Variants in GPC6 observed in about 807,000 individuals in gnomAD.
GPC6 encodes the protein glypican-6.
GPC6 carries 14 observed loss-of-function variants against 55.2 expected under a neutral mutation model. That is an observed-to-expected ratio of 0.25 (90% CI 0.17 to 0.40). The LOEUF is 0.40. GPC6 is among the 10% of genes least tolerant of loss of function. GPC6 has a pLI of 1.00. For missense variants in GPC6, 641 were observed against 708.5 expected (o/e 0.90, Z 1.08); for synonymous variants, 278 against 259.6 (o/e 1.07, Z -0.68).
At chr13:93,823,164 A>C (rs1887116540) in intron 2 of GPC6, among the ~76,000 whole-genome samples, 1 of 152,004 alleles carries the variant, frequency 6.6e-6, no homozygotes, top group African/African-American at 2.4e-5. Flanking sequence ...TGCCTGGCCG[A>C]AAATTACTTT....
intron 6 of GPC6, among the ~76,000 whole-genome samples, chr13:94,347,939 C>T (rs370962023): frequency 1.3e-5 from 2 of 152,320 alleles, no homozygotes; most frequent in East Asian, 1.9e-4. Context: ...GCAGATGTTA[C>T]GAAAAGCATG....
At chr13:94,069,686 C>T (rs1255522591) in intron 4 of GPC6, among the ~76,000 whole-genome samples, 1 of 152,156 alleles carries the variant, frequency 6.6e-6, no homozygotes, top group Non-Finnish European at 1.5e-5. Context: ...GTTCAAAGTT[C>T]CACAGATCTA....
chr13:93,724,205 G>A (rs1252416320), intron 2 of GPC6, among the ~76,000 whole-genome samples: 1 of 151,940 alleles, frequency 6.6e-6, no homozygotes, highest in Non-Finnish European at 1.5e-5. Context: ...GACAGCAGTT[G>A]CTTATAGTAG....
intron 3 of GPC6, among the ~76,000 whole-genome samples, chr13:93,895,098 A>T (rs910762530): frequency 2.0e-5 from 3 of 150,120 alleles, no homozygotes; most frequent in African/African-American, 4.9e-5. Context: ...ATATATGTCT[A>T]TATATATATT....
At chr13:94,362,667 C>T (rs1231082893) in intron 6 of GPC6, among the ~76,000 whole-genome samples, 2 of 152,098 alleles carry the variant, frequency 1.3e-5, no homozygotes, top group African/African-American at 4.8e-5. Context: ...CGTCAGCCTG[C>T]TTTAAGCAAG....
chr13:93,650,684 G>A (rs1369857943), intron 2 of GPC6, among the ~76,000 whole-genome samples: 1 of 152,168 alleles, frequency 6.6e-6, no homozygotes, highest in Non-Finnish European at 1.5e-5. Context: ...TAACTACTCA[G>A]ATAAAAGGCC....
intron 1 of GPC6, among the ~76,000 whole-genome samples, chr13:93,463,037 T>C (rs1046509338): frequency 6.6e-6 from 1 of 152,162 alleles, no homozygotes; most frequent in African/African-American, 2.4e-5. Context: ...TCTTTTTTGT[T>C]GGAAGTAGAA....
chr13:94,403,380 G>A lies in GPC6; in HGVS notation c.*163G>A. ...GCCTCCCTTTTTGTTTTCCCAAAGAGTACCGGGTGCCAGACTGAACTGCTT... is the reference window on the plus strand; with the variant it reads ...GCCTCCCTTTTTGTTTTCCCAAAGAATACCGGGTGCCAGACTGAACTGCTT... On this transcript the variant is annotated 3_prime_UTR_variant, in exon 9 of 9. Transcript: ENST00000377047. 1.5e-6 allele frequency: 1 copy of A among 687,600 alleles called. No individual in the cohort carries two copies. Among genetic ancestry groups the A allele is most frequent in the Non-Finnish European group, 2.6e-6 (1 of 379,432 alleles). The allele number at this position is 687,600 out of a possible 1,614,324, so 42.6% of individuals were successfully genotyped here.
intron 1 of GPC6, among the ~76,000 whole-genome samples, chr13:93,253,967 G>C (rs1164885082): frequency 6.6e-6 from 1 of 152,122 alleles, no homozygotes; most frequent in Non-Finnish European, 1.5e-5. Flanking sequence ...GGTTTAAATG[G>C]TGATCATTCT....
intron 2 of GPC6, among the ~76,000 whole-genome samples, chr13:93,611,964 A>G (rs1878481836): frequency 6.6e-6 from 1 of 152,156 alleles, no homozygotes. Flanking sequence ...ATTGTCTTTA[A>G]AGGTGACACA....
At chr13:94,261,470 T>G (rs1475956017) in intron 4 of GPC6, among the ~76,000 whole-genome samples, 1 of 152,192 alleles carries the variant, frequency 6.6e-6, no homozygotes, top group Admixed American at 6.5e-5. Context: ...ACTAGTTGGT[T>G]ACCTATAAAT....
chr13:94,029,361 T>TA (rs1883026520), intron 4 of GPC6, among the ~76,000 whole-genome samples: 1 of 152,260 alleles, frequency 6.6e-6, no homozygotes, highest in African/African-American at 2.4e-5. Flanking sequence ...AGTTAATCAT[T>TA]AAGTTATCCT....
At chr13:93,456,601 G>C (rs1878461857) in intron 1 of GPC6, among the ~76,000 whole-genome samples, 1 of 152,024 alleles carries the variant, frequency 6.6e-6, no homozygotes, top group African/African-American at 2.4e-5. Flanking sequence ...TGACTTAGCA[G>C]AAATTATAGT....
intron 2 of GPC6, among the ~76,000 whole-genome samples, chr13:93,653,509 T>C (rs1481749987): frequency 2.6e-5 from 4 of 152,078 alleles, no homozygotes; most frequent in Admixed American, 6.6e-5. Flanking sequence ...AAGCATTGTG[T>C]CAAACACTTT....
chr13:94,252,344 C>T lies in GPC6; in HGVS notation c.878-34005C>T, dbSNP rs1278118233. On this transcript the variant is annotated intron_variant, in intron 4 of 8. Transcript: ENST00000377047. Reference sequence around the variant, plus strand: ...GATATTGAGTAATAAGATTGTTCGACGACCAGGTCATGCATAAAAGCCCAA... The same window carrying T: ...GATATTGAGTAATAAGATTGTTCGATGACCAGGTCATGCATAAAAGCCCAA... Among the ~76,000 whole-genome samples, 5 of 152,120 alleles carry T rather than the reference C, an allele frequency of 3.3e-5. No homozygotes were observed. The South Asian group carries it at 6.2e-4, about 19-fold the overall frequency.
chr13:94,029,922 A>G (rs1883048186), intron 4 of GPC6, among the ~76,000 whole-genome samples: 1 of 151,924 alleles, frequency 6.6e-6, no homozygotes, highest in Non-Finnish European at 1.5e-5. Context: ...TGAACCAACT[A>G]TGTGTTGCTG....
intron 1 of GPC6, among the ~76,000 whole-genome samples, chr13:93,367,444 A>G (rs1881291568): frequency 6.6e-6 from 1 of 151,484 alleles, no homozygotes; most frequent in Non-Finnish European, 1.5e-5. Context: ...ACTGTTTTCT[A>G]TTTCGTTGGT....
chr13:93,315,117 A>T (rs1879204653), intron 1 of GPC6, among the ~76,000 whole-genome samples: 1 of 151,726 alleles, frequency 6.6e-6, no homozygotes, highest in Admixed American at 6.6e-5. Flanking sequence ...TCAACTAGTT[A>T]TGTCCTTTTG....
At chr13:93,299,580 A>G (rs1878607302) in intron 1 of GPC6, among the ~76,000 whole-genome samples, 1 of 152,208 alleles carries the variant, frequency 6.6e-6, no homozygotes, top group Non-Finnish European at 1.5e-5. Context: ...GCTTGGTTGG[A>G]TTCTTCTATT....
Sources: allele counts gnomAD v4.1 joint callset (sites outside exome capture counted in the v4.1 genomes callset), GRCh38; gene constraint gnomAD v4.1.1; transcripts MANE v1.5; gene names NCBI Gene and HGNC (gene_info 2026-07-23, HGNC 2026-07-21).